The following GSG1L variants were observed in gnomAD, a reference collection of about 807,000 sequenced individuals.
GSG1L encodes the protein GSG1 like, also known as germ cell-specific gene 1-like protein.
GSG1L carries 24 observed loss-of-function variants against 42.1 expected under a neutral mutation model. That is an observed-to-expected ratio of 0.57 (90% CI 0.41 to 0.80). The LOEUF (loss-of-function observed/expected upper bound fraction) is 0.80, where lower values mean the gene tolerates loss of function less well. Ranked by LOEUF, GSG1L falls within the 30% of genes least tolerant of loss-of-function variation. The pLI is 0.00. For missense variants in GSG1L, 445 were observed against 472.2 expected (o/e 0.94, Z 0.53); for synonymous variants, 215 against 203.5 (o/e 1.06, Z -0.48).
intron 4 of GSG1L, among the ~76,000 whole-genome samples, chr16:27,840,828 C>A (rs935200522): frequency 6.6e-6 from 1 of 152,086 alleles, no homozygotes; most frequent in Non-Finnish European, 1.5e-5. Context: ...CTGTGTGAAG[C>A]CCCTCCGGCC....
intron 3 of GSG1L, among the ~76,000 whole-genome samples, chr16:27,865,687 G>A (rs563906835): frequency 6.7e-6 from 1 of 148,660 alleles, no homozygotes; most frequent in Non-Finnish European, 1.5e-5. Context: ...CCTAATCACT[G>A]GCAGTAAATG....
chr16:27,828,425 C>A (rs1231470158), intron 5 of GSG1L, among the ~76,000 whole-genome samples: 2 of 152,224 alleles, frequency 1.3e-5, no homozygotes, highest in Admixed American at 1.3e-4. Context: ...CAGCTGGGTC[C>A]TCTTTTCACT....
intron 4 of GSG1L, 30 bp from the exon 5 acceptor site, chr16:27,828,986 C>T (rs1309058401): frequency 6.8e-6 from 11 of 1,608,972 alleles, no homozygotes; most frequent in African/African-American, 4.0e-5. Flanking sequence ...GAGATGCCAT[C>T]GTGAGGGTGG....
intron 5 of GSG1L, among the ~76,000 whole-genome samples, chr16:27,816,965 G>A (rs1454944798): frequency 6.6e-6 from 1 of 152,196 alleles, no homozygotes; most frequent in Non-Finnish European, 1.5e-5. Flanking sequence ...GGAGGTGACT[G>A]TGCCATGTCA....
Position 28,040,443 on chromosome 16 carries a change from T to C in GSG1L, c.349+22633A>G, listed in dbSNP as rs568383815. Among the ~76,000 whole-genome samples the C allele has an allele frequency of 6.6e-6, 1 of 152,304 alleles. No homozygotes were observed. Among genetic ancestry groups the C allele is most frequent in the East Asian group, 1.9e-4 (1 of 5,188 alleles). On this transcript the variant is annotated intron_variant, in intron 1 of 6. Transcript: ENST00000447459. This position sits in a 1 kb window ranked among gnomAD's most constrained non-coding sequence, Gnocchi z 4.1. ...TTTGCTTATCTGTTGCCTCACCACA[T>C]ACTCCCCCAGAATTAATTACGAATT...
intron 3 of GSG1L, among the ~76,000 whole-genome samples, chr16:27,876,148 G>T (rs2083884180): frequency 1.3e-5 from 2 of 152,106 alleles, no homozygotes; most frequent in Admixed American, 6.5e-5. Context: ...AAAAATACTT[G>T]CCCTCTAAGC....
chr16:27,874,917 G>T (rs897633013), intron 3 of GSG1L, among the ~76,000 whole-genome samples: 17 of 152,190 alleles, frequency 1.1e-4, no homozygotes, highest in Non-Finnish European at 2.1e-4. Flanking sequence ...TGAAGTGGGG[G>T]CAGTCTTGCT....
chr16:27,801,599 G>A (rs768321517), intron 6 of GSG1L, among the ~76,000 whole-genome samples: 2 of 152,128 alleles, frequency 1.3e-5, no homozygotes, highest in African/African-American at 2.4e-5. Context: ...ATTCTGAGAC[G>A]GCATCATTTC....
intron 2 of GSG1L, among the ~76,000 whole-genome samples, chr16:27,949,708 G>A (rs966227617): frequency 3.9e-5 from 6 of 152,128 alleles, no homozygotes; most frequent in Admixed American, 1.3e-4. Context: ...GGCGGATCAC[G>A]AGGTCAGGAG....
chr16:27,918,325 C>T (rs975375440), intron 2 of GSG1L, among the ~76,000 whole-genome samples: 4 of 152,106 alleles, frequency 2.6e-5, no homozygotes, highest in African/African-American at 9.7e-5. Context: ...AAAAGGGATG[C>T]TGGCTATGGG....
chr16:27,826,978 T>C (rs1189152549), intron 5 of GSG1L, among the ~76,000 whole-genome samples: 1 of 152,164 alleles, frequency 6.6e-6, no homozygotes, highest in African/African-American at 2.4e-5. Flanking sequence ...CACTGCCAGC[T>C]CTGATTTTCT....
chr16:27,817,637 G>A (rs2083110591), intron 5 of GSG1L, among the ~76,000 whole-genome samples: 1 of 152,114 alleles, frequency 6.6e-6, no homozygotes, highest in South Asian at 2.1e-4. Flanking sequence ...GGAATTATAA[G>A]TGTGTGCCAA....
At chr16:27,947,102 C>T (rs1477166317) in intron 2 of GSG1L, among the ~76,000 whole-genome samples, 3 of 152,314 alleles carry the variant, frequency 2.0e-5, no homozygotes, top group African/African-American at 2.4e-5. Context: ...CCAAGCCCTG[C>T]TACTGACCTG....
intron 2 of GSG1L, among the ~76,000 whole-genome samples, chr16:27,910,530 A>C (rs976072221): frequency 4.6e-5 from 7 of 152,186 alleles, no homozygotes; most frequent in African/African-American, 1.7e-4. Context: ...AAATGGCAAG[A>C]CCAAGGTTTG....
chr16:27,938,228 C>A (rs1175689916), intron 2 of GSG1L, among the ~76,000 whole-genome samples: 1 of 151,646 alleles, frequency 6.6e-6, no homozygotes, highest in Non-Finnish European at 1.5e-5. Context: ...GGGAGTGCAC[C>A]ATTGTTTGGT....
intron 6 of GSG1L, among the ~76,000 whole-genome samples, chr16:27,803,781 A>C (rs1320892193): frequency 1.2e-4 from 10 of 81,554 alleles, no homozygotes; most frequent in African/African-American, 4.1e-4. Flanking sequence ...ATATATATAT[A>C]TATATATATA....
intron 1 of GSG1L, among the ~76,000 whole-genome samples, chr16:27,979,618 A>G (rs1414568786): frequency 2.9e-5 from 4 of 139,034 alleles, no homozygotes; most frequent in African/African-American, 5.4e-5. Context: ...AGGAAGGAAG[A>G]AAGGGAGATG....
chr16:28,009,924 T>C (rs900390343), intron 1 of GSG1L, among the ~76,000 whole-genome samples: 1 of 152,214 alleles, frequency 6.6e-6, no homozygotes, highest in South Asian at 2.1e-4. Flanking sequence ...AGAAATGACT[T>C]TGTGGAGAAA....
intron 2 of GSG1L, among the ~76,000 whole-genome samples, chr16:27,931,027 T>C (rs1462026362): frequency 3.3e-5 from 5 of 152,276 alleles, no homozygotes; most frequent in African/African-American, 1.2e-4. Flanking sequence ...GCTGGGATTA[T>C]AGGTGTGAGC....
Sources: gnomAD v4.1 joint callset for allele counts (sites outside exome capture counted in the v4.1 genomes callset) on GRCh38, gnomAD v4.1.1 for gene constraint, Gnocchi (gnomAD v3.1) non-coding constraint, MANE v1.5 for transcripts, NCBI Gene and HGNC (gene_info 2026-07-23, HGNC 2026-07-21) for gene names.